The following HAUS7 variants were observed in gnomAD, a reference collection of about 807,000 sequenced individuals.
HAUS7 encodes HAUS augmin like complex subunit 7.
A neutral mutation model predicts 28.4 loss-of-function variants in HAUS7; 3 were observed. That is an observed-to-expected ratio of 0.11 (90% CI 0.05 to 0.27). HAUS7 has a LOEUF of 0.27. Among genes scored for constraint, HAUS7 ranks in the 10% least tolerant of loss-of-function variants. HAUS7 has a pLI of 1.00. For missense variants in HAUS7, 284 were observed against 297.3 expected, an observed-to-expected ratio of 0.96 and a Z score of 0.33; for synonymous variants, 165 against 132.1, an observed-to-expected ratio of 1.25 and a Z score of -1.71.
intron 1 of HAUS7, chrX:153,480,705 A>T: frequency 1.3e-6 from 1 of 754,380 alleles, no homozygotes; most frequent in Non-Finnish European, 1.6e-6. Context: ...GTCCCCCTCC[A>T]CTGGCTGGAA....
At chrX:153,461,050 G>T (rs1173998244) in intron 4 of HAUS7, among the ~76,000 whole-genome samples, 1 of 112,364 alleles carries the variant, frequency 8.9e-6, no homozygotes, top group African/African-American at 3.2e-5. Flanking sequence ...ACACACAGGG[G>T]GGACCCGAAG....
chrX:153,481,670 C>T (rs1166649478), intron 1 of HAUS7: 31 of 753,120 alleles, frequency 4.1e-5, no homozygotes, highest in Non-Finnish European at 4.9e-5. Context: ...CCTCGCCCCA[C>T]ACCCACCCCT....
chrX:153,470,763 A>T, upstream of HAUS7: 1 of 513,591 alleles, frequency 1.9e-6, no homozygotes, highest in Admixed American at 3.3e-5. Context: ...GACCACAGTG[A>T]AGCGGGCAGG....
At chrX:153,485,482 C>T (rs2089630036) in intron 1 of HAUS7, among the ~76,000 whole-genome samples, 1 of 112,061 alleles carries the variant, frequency 8.9e-6, no homozygotes, top group African/African-American at 3.2e-5. Flanking sequence ...TCAGTCTCCA[C>T]AATGACAGCA....
At chrX:153,482,807 CTCTA>C (rs2089609369) in intron 1 of HAUS7, 2 of 718,921 alleles carry the variant, frequency 2.8e-6, no homozygotes, top group African/African-American at 4.6e-5. Flanking sequence ...CTGCAGCCTG[CTCTA>C]TCTGAGGCTG....
chrX:153,469,460 G>C (rs2089493211), intron 1 of HAUS7, among the ~76,000 whole-genome samples, 199 bp from the exon 2 acceptor site: 1 of 112,257 alleles, frequency 8.9e-6, no homozygotes, highest in East Asian at 2.8e-4. Context: ...AGGGTAGCTG[G>C]GGGATTACAG....
chrX:153,489,153 G>T (rs933050358), intron 1 of HAUS7, among the ~76,000 whole-genome samples: 6 of 112,395 alleles, frequency 5.3e-5, no homozygotes, highest in African/African-American at 1.9e-4. Flanking sequence ...TGGGACAAGG[G>T]TGCTGTTTCC....
intron 2 of HAUS7, among the ~76,000 whole-genome samples, chrX:153,465,902 G>A (rs1325164020): frequency 4.4e-5 from 5 of 112,382 alleles, no homozygotes; most frequent in African/African-American, 6.5e-5. Flanking sequence ...GCTCTTACCC[G>A]GGAGCCCCAG....
chrX:153,450,238 G>A (rs1440411431), intron 9 of HAUS7, among the ~76,000 whole-genome samples: 1 of 112,427 alleles, frequency 8.9e-6, no homozygotes. Flanking sequence ...CCGGGCTGCC[G>A]CCAGCCACAT....
At chrX:153,449,102 T>C (rs1024435164) in intron 9 of HAUS7, among the ~76,000 whole-genome samples, 2 of 112,037 alleles carry the variant, frequency 1.8e-5, no homozygotes, top group South Asian at 7.4e-4. Context: ...CCCTAGACCA[T>C]GGCCATCATC....
chrX:153,483,627 C>T (rs1361286600), intron 1 of HAUS7, among the ~76,000 whole-genome samples: 2 of 111,871 alleles, frequency 1.8e-5, no homozygotes, highest in Non-Finnish European at 3.8e-5. Flanking sequence ...GCCTGGTCTT[C>T]GGTGGGTCAC....
chrX:153,472,748 T>G, upstream of HAUS7, among the ~76,000 whole-genome samples: 1 of 103,799 alleles, frequency 9.6e-6, no homozygotes, highest in East Asian at 3.0e-4. Context: ...AGTCCTACCA[T>G]GGGGGAGGGA....
At chrX:153,467,859 G>A (rs1366501154) in intron 2 of HAUS7, among the ~76,000 whole-genome samples, 5 of 112,859 alleles carry the variant, frequency 4.4e-5, no homozygotes, top group African/African-American at 1.6e-4. Context: ...CTCAAAGGCT[G>A]TGGGCATCCA....
chrX:153,455,799 G>A (rs1556982022), intron 7 of HAUS7, 33 bp from the exon 8 acceptor site: 10 of 935,704 alleles, frequency 1.1e-5, no homozygotes, highest in Non-Finnish European at 1.5e-5. Flanking sequence ...CCTTGAGGCT[G>A]CCCTGCCCAC....
intron 1 of HAUS7, among the ~76,000 whole-genome samples, chrX:153,492,432 C>T (rs1250565562): frequency 2.7e-5 from 3 of 111,562 alleles, no homozygotes; most frequent in African/African-American, 9.8e-5. Context: ...CTAGCCAGGC[C>T]GAGTGACTCG....
At chrX:153,481,920 T>A (rs991110937) in intron 1 of HAUS7, 58 of 748,340 alleles carry the variant, frequency 7.8e-5, no homozygotes, top group Non-Finnish European at 9.0e-5. Flanking sequence ...CCCCCATGCC[T>A]TCAAGGTATG....
At position 153,470,439 on chromosome X, in the gene HAUS7, G is replaced by A; in HGVS notation, c.108+11C>T. On this transcript the variant is annotated intron_variant, in intron 1 of 9. Transcript: ENST00000370211. ...CCCCCGCCCTGGAGTGGCTTTCTGG[G>A]CCAACAGCACCTTCAGCTTCCCGAA... 1 of 1,206,782 alleles carries A rather than the reference G, an allele frequency of 8.3e-7. No homozygotes were observed. Among genetic ancestry groups the A allele is most frequent in the Non-Finnish European group, 1.1e-6 (1 of 892,651 alleles).
chrX:153,456,687 G>T (rs782389329), intron 5 of HAUS7, 36 bp from the exon 6 acceptor site: 7 of 1,100,643 alleles, frequency 6.4e-6, no homozygotes, highest in Non-Finnish European at 8.5e-6. Flanking sequence ...ACCGTCACAG[G>T]CCAGAGCACT....
intron 6 of HAUS7, 54 bp from the exon 7 acceptor site, chrX:153,456,418 A>C (rs922905229): frequency 1.4e-4 from 163 of 1,177,261 alleles, no homozygotes; most frequent in Non-Finnish European, 1.7e-4. Context: ...GGGTGTCTGC[A>C]GTAACAGAAC....
Sources: gnomAD v4.1 joint callset for allele counts (sites outside exome capture counted in the v4.1 genomes callset) on GRCh38, gnomAD v4.1.1 for gene constraint, MANE v1.5 for transcripts, NCBI Gene and HGNC (gene_info 2026-07-23, HGNC 2026-07-21) for gene names.